SPOCK1: variants seen among roughly 807,000 people sequenced by gnomAD.
The protein encoded by SPOCK1 is testican-1.
A neutral mutation model predicts 55.3 loss-of-function variants in SPOCK1; 23 were observed. The ratio of observed to expected loss-of-function variants is 0.42; its 90% CI spans 0.30 to 0.59. SPOCK1 has a LOEUF of 0.59. Among genes scored for constraint, SPOCK1 ranks in the 20% least tolerant of loss-of-function variants. The pLI is 0.22. For synonymous variants in SPOCK1, 226 were observed against 221.0 expected, an observed-to-expected ratio of 1.02 and a Z score of -0.20; for missense variants, 499 against 552.5, an observed-to-expected ratio of 0.90 and a Z score of 0.97.
intron 2 of SPOCK1, among the ~76,000 whole-genome samples, chr5:137,279,428 A>C (rs1473750019): frequency 6.6e-6 from 1 of 152,336 alleles, no homozygotes; most frequent in South Asian, 2.1e-4. Flanking sequence ...AGTACCACTG[A>C]AGCTAGTTCT....
intron 3 of SPOCK1, among the ~76,000 whole-genome samples, chr5:137,208,231 T>C (rs776010202): frequency 1.2e-4 from 19 of 152,222 alleles, no homozygotes; most frequent in Non-Finnish European, 2.8e-4. Context: ...GGATTCTCTT[T>C]GTTGGATGGC....
At chr5:137,394,309 G>A (rs764881428) in intron 2 of SPOCK1, among the ~76,000 whole-genome samples, 11 of 152,230 alleles carry the variant, frequency 7.2e-5, no homozygotes, top group South Asian at 4.2e-4. Flanking sequence ...ACACAGTCCC[G>A]TAGTACTTAA....
chr5:137,198,126 C>T (rs937153865), intron 3 of SPOCK1, among the ~76,000 whole-genome samples: 3 of 152,062 alleles, frequency 2.0e-5, no homozygotes, highest in African/African-American at 7.2e-5. Flanking sequence ...TTTTTTATGT[C>T]ATAATTGTTG....
At chr5:136,994,919 C>T (rs1326155574) in intron 6 of SPOCK1, among the ~76,000 whole-genome samples, 2 of 151,948 alleles carry the variant, frequency 1.3e-5, no homozygotes, top group South Asian at 2.1e-4. Context: ...ACAGGAGAAT[C>T]GCTTGAACCT....
At chr5:137,396,614 T>C (rs1751854572) in intron 2 of SPOCK1, among the ~76,000 whole-genome samples, 1 of 152,164 alleles carries the variant, frequency 6.6e-6, no homozygotes, top group Non-Finnish European at 1.5e-5. Flanking sequence ...CACATCTAGG[T>C]TGTGATTAGG....
At chr5:137,305,149 CT>C (rs1234166400) in intron 2 of SPOCK1, among the ~76,000 whole-genome samples, 1 of 152,206 alleles carries the variant, frequency 6.6e-6, no homozygotes, top group East Asian at 1.9e-4. Flanking sequence ...CTTATTCAGG[CT>C]TATGTCTTTA....
intron 3 of SPOCK1, among the ~76,000 whole-genome samples, chr5:137,217,468 A>G (rs1755740251): frequency 6.6e-6 from 1 of 152,180 alleles, no homozygotes; most frequent in African/African-American, 2.4e-5. Context: ...TCCCATCTGT[A>G]AAACATGGAC....
At chr5:137,064,720 G>T (rs745464485) in intron 6 of SPOCK1, among the ~76,000 whole-genome samples, 1 of 152,154 alleles carries the variant, frequency 6.6e-6, no homozygotes, top group Non-Finnish European at 1.5e-5. Context: ...ACCACCTCAG[G>T]TCAGCCCTGT....
At chr5:137,103,281 G>A (rs151015630) in intron 5 of SPOCK1, among the ~76,000 whole-genome samples, 10 of 152,180 alleles carry the variant, frequency 6.6e-5, no homozygotes, top group East Asian at 3.9e-4. Context: ...CCACCACGCC[G>A]GCTTTGTTCT....
chr5:137,076,627 A>AAAT (rs1554096236), intron 5 of SPOCK1, among the ~76,000 whole-genome samples: 1 of 140,704 alleles, frequency 7.1e-6, no homozygotes, highest in Non-Finnish European at 1.5e-5. Flanking sequence ...AAAAAAAAAA[A>AAAT]AGAATGGTTG....
intron 6 of SPOCK1, among the ~76,000 whole-genome samples, chr5:137,051,417 C>T (rs1316911190): frequency 6.6e-6 from 1 of 152,156 alleles, no homozygotes; most frequent in Non-Finnish European, 1.5e-5. Context: ...TGTTTGAATG[C>T]CACTGGCCTT....
chr5:137,350,682 T>C (rs981905090), intron 2 of SPOCK1, among the ~76,000 whole-genome samples: 1 of 152,104 alleles, frequency 6.6e-6, no homozygotes, highest in African/African-American at 2.4e-5. Context: ...TGATTCCTCA[T>C]CCTCTTGTTT....
Position 137,136,590 on chromosome 5 carries a change from C to T in SPOCK1, c.347+3990G>A, listed in dbSNP as rs72794512. On this transcript the variant is annotated intron_variant, in intron 4 of 10. Coordinates refer to ENST00000394945, the MANE Select transcript of SPOCK1 (RefSeq NM_004598.4). ...AAAATATTCCACAATATTTTAATTA[C>T]TGTTTTTAGAGAGTGTGACCATTGC... 4.9e-3 allele frequency among the ~76,000 whole-genome samples: 752 copies of T among 152,272 alleles called. 2 individuals carry two copies. Among genetic ancestry groups the T allele is most frequent in the Non-Finnish European group, 7.4e-3 (506 of 68,006 alleles).
chr5:137,332,604 C>T (rs375496486), intron 2 of SPOCK1, among the ~76,000 whole-genome samples: 16 of 152,310 alleles, frequency 1.1e-4, no homozygotes, highest in African/African-American at 3.8e-4. Flanking sequence ...GGGGGATGTG[C>T]CACGTTTTGT....
chr5:137,307,477 T>C (rs1342578412), intron 2 of SPOCK1, among the ~76,000 whole-genome samples: 2 of 152,252 alleles, frequency 1.3e-5, no homozygotes, highest in Non-Finnish European at 1.5e-5. Flanking sequence ...TGCTGCACTA[T>C]GCTGAAGCTT....
At chr5:137,197,751 G>A (rs1327227849) in intron 3 of SPOCK1, among the ~76,000 whole-genome samples, 1 of 152,130 alleles carries the variant, frequency 6.6e-6, no homozygotes, top group African/African-American at 2.4e-5. Flanking sequence ...CCTAACAGCT[G>A]TTTGACCATG....
rs1750648377 is a variant in SPOCK1 at position 136,977,923 on chromosome 5, T to C, written c.*731A>G. 1 of 387,184 alleles carries C rather than the reference T, an allele frequency of 2.6e-6. No homozygotes were observed. Among genetic ancestry groups the C allele is most frequent in the Non-Finnish European group, 4.6e-6 (1 of 218,372 alleles). The allele number at this position is 387,184 out of a possible 1,614,324, so 24.0% of individuals were successfully genotyped here. A position where few individuals can be genotyped will look rare whatever the true frequency, so the allele number is the denominator to read the frequency against. On this transcript the variant is annotated 3_prime_UTR_variant, in exon 11 of 11. Coordinates refer to ENST00000394945, the MANE Select transcript of SPOCK1 (RefSeq NM_004598.4). ...AAATTTATCATTGTTTTTCGAGTTTTTAAGATACCCAAACACTTTTTCTGA... is the reference window on the plus strand; with the variant it reads ...AAATTTATCATTGTTTTTCGAGTTTCTAAGATACCCAAACACTTTTTCTGA...
chr5:137,291,144 T>C (rs2916642), intron 2 of SPOCK1, among the ~76,000 whole-genome samples: 131,019 of 152,082 alleles, frequency 0.86, 56,803 homozygotes, highest in African/African-American at 0.95. Flanking sequence ...AACTACCTGG[T>C]GATCTATAGA....
intron 3 of SPOCK1, among the ~76,000 whole-genome samples, chr5:137,180,367 G>A (rs2127063846): frequency 6.6e-6 from 1 of 152,020 alleles, no homozygotes; most frequent in Middle Eastern, 3.4e-3. Context: ...GACTGGGGTG[G>A]GGGTGGGTAG....
Sources: gnomAD v4.1 joint callset for allele counts (sites outside exome capture counted in the v4.1 genomes callset) on GRCh38, gnomAD v4.1.1 for gene constraint, MANE v1.5 for transcripts, NCBI Gene and HGNC (gene_info 2026-07-23, HGNC 2026-07-21) for gene names.